The following SLC39A4 variants were observed in gnomAD, a reference collection of about 807,000 sequenced individuals.
SLC39A4 encodes the protein solute carrier family 39 member 4, also known as zinc transporter ZIP4.
A neutral mutation model predicts 56.6 loss-of-function variants in SLC39A4; 49 were observed. The ratio of observed to expected loss-of-function variants is 0.87; its 90% confidence interval spans 0.69 to 1.10. SLC39A4 has a LOEUF of 1.10. Ranked by LOEUF, SLC39A4 falls within the 50% of genes least tolerant of loss-of-function variation. The pLI is 0.00. For synonymous variants in SLC39A4, 540 were observed against 420.4 expected (o/e 1.28, Z -3.48); for missense variants, 993 against 864.2 (o/e 1.15, Z -1.87).
At position 144,414,265 on chromosome 8, in the gene SLC39A4, G is replaced by C. The variant is rs1554872931; in HGVS notation, c.1146C>G (p.Pro382=). The change falls in exon 6 of 12, where the codon CCC becomes CCG. Residue 382 remains proline (P), a synonymous_variant. Coordinates refer to ENST00000301305, the MANE Select transcript of SLC39A4 (RefSeq NM_130849.4). ...VTGDAVLHLT[P]KVLGLHTHSE... ...TCGCGGGTTTGTGGGGGCAGACCTT[G>C]GGCGTCAGATGCAGGACAGCGTCCC... 1.2e-6 allele frequency: 2 copies of C among 1,608,534 alleles called. No individual in the cohort carries two copies. The highest frequency in any genetic ancestry group is 2.2e-5 in the South Asian group (2 of 89,546).
chr8:144,415,687 G>T (rs1822149737), intron 2 of SLC39A4, 123 bp downstream of exon 2: 1 of 1,383,558 alleles, frequency 7.2e-7, no homozygotes. Context: ...CCCAGCCGCA[G>T]GCCGACTCCT....
chr8:144,414,183 T>C, intron 6 of SLC39A4, 79 bp downstream of exon 6: 2 of 1,571,262 alleles, frequency 1.3e-6, no homozygotes, highest in Non-Finnish European at 1.7e-6. Context: ...GTGGGGTGGG[T>C]AAGGTCCCTG....
chr8:144,415,418 G>C lies in SLC39A4; in HGVS notation c.476C>G (p.Ala159Gly), dbSNP rs782061002. 10 of 1,598,532 alleles carry C rather than the reference G, an allele frequency of 6.3e-6. No homozygotes were observed. The highest frequency in any genetic ancestry group is 1.3e-5 in the African/African-American group (1 of 74,682). The change falls in exon 3 of 12, where the codon GCC (alanine) becomes GGC (glycine). Residue 159 changes from alanine to glycine, a missense_variant and splice_region_variant. By Grantham distance (60) the Ala-to-Gly change is moderately conservative. Transcript: ENST00000301305. Reference sequence around the variant, plus strand: ...CAGCAGCTGAGGGATATCTACGCAGGCCTGGGGAAGAGGGGGCCTCCGCCT... The same window carrying C: ...CAGCAGCTGAGGGATATCTACGCAGCCCTGGGGAAGAGGGGGCCTCCGCCT... ...ARAAGQTPKM[A>G]CVDIPQLLEE...
At chr8:144,412,985 C>G in intron 10 of SLC39A4, 39 bp from the exon 11 acceptor site, 1 of 1,549,934 alleles carries the variant, frequency 6.5e-7, no homozygotes, top group Non-Finnish European at 8.7e-7. Context: ...GCCCTCCTAG[C>G]TACATGCCCC....
At position 144,415,926 on chromosome 8, in the gene SLC39A4, C is replaced by A; in HGVS notation, c.358G>T (p.Ala120Ser). 1.3e-6 allele frequency: 2 copies of A among 1,595,818 alleles called. No homozygotes were observed. Residue 120 changes from alanine to serine, a missense_variant, in exon 2 of 12, where the codon GCC becomes TCC. Coordinates refer to ENST00000301305, the MANE Select transcript of SLC39A4 (RefSeq NM_130849.4). The part of the protein sequence containing the change: ...TCEDARAGLW[A>S]SHADHLLALL... ...GCCAGGAGGTGGTCTGCATGAGAGG[C>A]CCAGAGGCCAGCCCGAGCGTCCTCA...
intron 10 of SLC39A4, 138 bp from the exon 11 acceptor site, chr8:144,413,084 C>T: frequency 8.1e-7 from 1 of 1,239,626 alleles, no homozygotes; most frequent in Non-Finnish European, 1.1e-6. Flanking sequence ...TCCCGCCCAT[C>T]ACCTTCCAGG....
chr8:144,415,888 G>C lies in SLC39A4; in HGVS notation c.396C>G (p.Ser132Arg), dbSNP rs1554873825. The change falls in exon 2 of 12, where the codon AGC (serine) becomes AGG (arginine). Residue 132 changes from serine to arginine, a missense_variant. Ser to Arg is a moderately radical substitution (Grantham distance 110). Transcript: ENST00000301305. ...TCAGGCCCGGGGTCAGGGCCTTGGG[G>C]CTCTCGAGCAGGGCCAGGAGGTGGT... ...HADHLLALLE[S>R]PKALTPGLSW... 6.3e-7 allele frequency: 1 copy of C among 1,596,280 alleles called. No homozygotes were observed. The highest frequency in any genetic ancestry group is 2.3e-5 in the East Asian group (1 of 44,410).
Position 144,415,154 on chromosome 8 carries a change from G to A in SLC39A4, c.668-44C>T, listed in dbSNP as rs375529742. ...GGCACCGCGAGTCTGTGTGGGCTCC[G>A]GCCCTGCCCCCCAGGGACGTGGAGG... On this transcript the variant is annotated intron_variant, in intron 3 of 11. Transcript: ENST00000301305. The A allele has an allele frequency of 1.0e-4, 161 of 1,612,596 alleles. 1 individual carries two copies. Among genetic ancestry groups the A allele is most frequent in the East Asian group, 4.2e-4 (19 of 44,878 alleles).
Position 144,416,839 on chromosome 8 carries a change from G to C in SLC39A4, c.-50C>G, listed in dbSNP as rs1457580928. On this transcript the variant is annotated 5_prime_UTR_variant, in exon 1 of 12. Coordinates refer to ENST00000301305, the MANE Select transcript of SLC39A4 (RefSeq NM_130849.4). The stretch of plus-strand genomic sequence containing the variant: ...GGTGTTGCTGTGGCCAAGGCCCAGT[G>C]CTTCTGGGCTGGCTGAGGGCGGCTT... The C allele has an allele frequency of 6.4e-7, 1 of 1,562,412 alleles. No homozygotes were observed. The highest frequency in any genetic ancestry group is 8.7e-7 in the Non-Finnish European group (1 of 1,151,974).
rs1386669523 is a variant in SLC39A4, at chr8:144,414,140, C to G, written c.1150-45G>C. The G allele has an allele frequency of 2.6e-6, 4 of 1,557,120 alleles. No homozygotes were observed. In the South Asian group the frequency reaches 3.5e-5, roughly 14 times the overall value. ...GGCTGGGGGGGAGGTCCCAGGGCGC[C>G]TCCCACCAAGACCCAGGGAGAGGGG... On this transcript the variant is annotated intron_variant, in intron 6 of 11. Coordinates refer to ENST00000301305, the MANE Select transcript of SLC39A4 (RefSeq NM_130849.4).
chr8:144,415,364 C>A lies in SLC39A4; in HGVS notation c.530G>T (p.Gly177Val). The A allele has an allele frequency of 6.2e-7, 1 of 1,609,874 alleles. No homozygotes were observed. ...GGCAGCCAGGACGCCGCCAGCACTG[C>A]CCGGAGCCCCCGCCCCCACCGCCTC... ...LEEAVGAGAP[G>V]SAGGVLAALL... The change falls in exon 3 of 12, where the codon GGC becomes GTC. Residue 177 changes from glycine (G) to valine (V), a missense_variant. By Grantham distance (109) the Gly-to-Val change is moderately radical (BLOSUM62 -3). Coordinates refer to ENST00000301305, the MANE Select transcript of SLC39A4 (RefSeq NM_130849.4).
chr8:144,413,116 T>A, intron 10 of SLC39A4, 121 bp downstream of exon 10: 1 of 1,331,312 alleles, frequency 7.5e-7, no homozygotes, highest in Non-Finnish European at 9.9e-7. Flanking sequence ...CTGTTTCCGG[T>A]CTCCCCACCC....
intron 1 of SLC39A4, 106 bp downstream of exon 1, chr8:144,416,492 C>T (rs1288914122): frequency 3.4e-6 from 5 of 1,486,050 alleles, no homozygotes; most frequent in East Asian, 2.5e-5. Context: ...TGCCACTAGC[C>T]TCCTCCGCCT....
chr8:144,416,123 G>A (rs781902407), intron 1 of SLC39A4, 32 bp from the exon 2 acceptor site: 1 of 1,598,956 alleles, frequency 6.3e-7, no homozygotes, highest in South Asian at 1.1e-5. Context: ...CAGGGGCGCT[G>A]GGCCCACCAG....
In SLC39A4 at chr8:144,414,254, G is replaced by C. The variant is rs376765006; in HGVS notation, c.1149+8C>G. The stretch of plus-strand genomic sequence containing the variant: ...GAGGGCCAGGGTCGCGGGTTTGTGG[G>C]GGCAGACCTTGGGCGTCAGATGCAG... On this transcript the variant is annotated splice_region_variant and intron_variant, in intron 6 of 11. Transcript: ENST00000301305. 6 of 1,607,540 alleles carry C rather than the reference G, an allele frequency of 3.7e-6. No individual in the cohort carries two copies. In the East Asian group the frequency reaches 1.3e-4, roughly 36 times the overall value.
Position 144,412,422 on chromosome 8 carries a change from C to G in SLC39A4, c.*116G>C. The G allele has an allele frequency of 1.9e-6, 3 of 1,552,054 alleles. No homozygotes were observed. Among genetic ancestry groups the G allele is most frequent in the Non-Finnish European group, 2.7e-6 (3 of 1,127,976 alleles). ...GGAGAGCACAGCCATGCTCCAAGGA[C>G]AAGAGTGTCTTTACTGGAGTTGGGA... is the stretch of plus-strand genomic sequence containing the variant. On this transcript the variant is annotated 3_prime_UTR_variant, in exon 12 of 12. Coordinates refer to ENST00000301305, the MANE Select transcript of SLC39A4 (RefSeq NM_130849.4).
chr8:144,415,746 C>A, intron 2 of SLC39A4, 64 bp downstream of exon 2: 2 of 1,509,058 alleles, frequency 1.3e-6, no homozygotes, highest in South Asian at 1.3e-5. Context: ...GCAGCCAGGC[C>A]GGGTCCCATG....
chr8:144,416,589 G>A lies in SLC39A4; in HGVS notation c.192+9C>T, dbSNP rs1554874092. On this transcript the variant is annotated intron_variant, in intron 1 of 11. Transcript: ENST00000301305. ...CAGGGCTGGGGGACCCGTCGGGTGGGGCTGTTACCTTTCCACACGGCCCGT... is the reference window on the plus strand; with the variant it reads ...CAGGGCTGGGGGACCCGTCGGGTGGAGCTGTTACCTTTCCACACGGCCCGT... The A allele has an allele frequency of 6.4e-7, 1 of 1,572,274 alleles. No homozygotes were observed. The highest frequency in any genetic ancestry group is 1.3e-5 in the African/African-American group (1 of 74,226).
At chr8:144,416,263 C>T in intron 1 of SLC39A4, 172 bp from the exon 2 acceptor site, 1 of 1,555,996 alleles carries the variant, frequency 6.4e-7, no homozygotes, top group Non-Finnish European at 8.6e-7. Flanking sequence ...CCTGCTTCCC[C>T]AACTACAGGG....
Sources: gnomAD v4.1 joint callset for allele counts on GRCh38, gnomAD v4.1.1 for gene constraint, MANE v1.5 for transcripts, NCBI Gene and HGNC (gene_info 2026-07-23, HGNC 2026-07-21) for gene names.